CERS4: variants seen among roughly 807,000 people sequenced by gnomAD.
CERS4 encodes the protein ceramide synthase 4.
CERS4 carries 65 observed loss-of-function variants against 51.8 expected under a neutral mutation model. That is an observed-to-expected ratio of 1.26 (90% CI 1.03 to 1.54). The LOEUF is 1.54. CERS4 is among the 40% of genes most tolerant of loss of function. CERS4 has a pLI of 0.00. For missense variants in CERS4, 563 were observed against 500.4 expected (o/e 1.13, Z -1.19); for synonymous variants, 228 against 208.4 (o/e 1.09, Z -0.81).
At chr19:8,251,935 T>C (rs1434870954) in intron 3 of CERS4, among the ~76,000 whole-genome samples, 1 of 151,686 alleles carries the variant, frequency 6.6e-6, no homozygotes, top group African/African-American at 2.4e-5. Flanking sequence ...AAAATTTTTT[T>C]TTGAATCTAG....
intron 4 of CERS4, among the ~76,000 whole-genome samples, chr19:8,255,149 G>T (rs1014042891): frequency 6.6e-6 from 1 of 152,140 alleles, no homozygotes; most frequent in Non-Finnish European, 1.5e-5. Flanking sequence ...GTGGGGTGGG[G>T]AATGGTGAAG....
intron 2 of CERS4, among the ~76,000 whole-genome samples, chr19:8,247,703 A>G (rs1437392940): frequency 6.7e-6 from 1 of 148,866 alleles, no homozygotes; most frequent in Non-Finnish European, 1.5e-5. Flanking sequence ...TACAGGCATG[A>G]ACCACTTTGC....
chr19:8,243,328 G>A (rs1052469302), intron 2 of CERS4, among the ~76,000 whole-genome samples: 8 of 151,908 alleles, frequency 5.3e-5, no homozygotes, highest in South Asian at 2.1e-4. Context: ...GAGCCCCCAC[G>A]GGCACACGGG....
At chr19:8,230,274 C>G (rs1245303356) in intron 2 of CERS4, among the ~76,000 whole-genome samples, 3 of 151,976 alleles carry the variant, frequency 2.0e-5, no homozygotes, top group Non-Finnish European at 4.4e-5. Context: ...ACTCCAGCCT[C>G]TGCCTCCCAG....
In CERS4 at chr19:8,251,085, C is replaced by T; in HGVS notation, c.9C>T (p.Ser3=). ...GAACCTGTGTCCACAGAATGCTGTCCAGTTTCAACGAGTGGTTTTGGCAGG... is the reference window on the plus strand; with the variant it reads ...GAACCTGTGTCCACAGAATGCTGTCTAGTTTCAACGAGTGGTTTTGGCAGG... ML[S]SFNEWFWQDR... The change falls in exon 3 of 12, where the codon TCC becomes TCT. Residue 3 remains serine, a synonymous_variant. Coordinates refer to ENST00000251363, the MANE Select transcript of CERS4 (RefSeq NM_024552.3). 6.2e-7 allele frequency: 1 copy of T among 1,601,264 alleles called. No homozygotes were observed. The highest frequency in any genetic ancestry group is 8.5e-7 in the Non-Finnish European group (1 of 1,174,194).
intron 2 of CERS4, among the ~76,000 whole-genome samples, chr19:8,218,824 A>C (rs1359496406): frequency 6.6e-6 from 1 of 151,942 alleles, no homozygotes. Flanking sequence ...CTCTGTGCCA[A>C]CCCATCCAAC....
At chr19:8,261,658 C>T in intron 10 of CERS4, 30 bp from the exon 11 acceptor site, 2 of 1,612,926 alleles carry the variant, frequency 1.2e-6, no homozygotes, top group Non-Finnish European at 1.7e-6. Flanking sequence ...CTGGTCAAAC[C>T]CCAGCCTCCT....
chr19:8,227,464 A>T (rs779989150), intron 2 of CERS4, among the ~76,000 whole-genome samples: 1 of 151,750 alleles, frequency 6.6e-6, no homozygotes. Flanking sequence ...CCTTCCAAGT[A>T]TCTGGGACTT....
At chr19:8,258,059 G>C (rs758749592) in intron 10 of CERS4, 74 bp downstream of exon 10, 161 of 1,179,926 alleles carry the variant, frequency 1.4e-4, no homozygotes, top group Non-Finnish European at 1.9e-4. Context: ...CTCACCATTG[G>C]TACCCTGCCC....
chr19:8,239,680 G>C (rs1033474575), intron 2 of CERS4: 1 of 152,108 alleles, frequency 6.6e-6, no homozygotes, highest in Non-Finnish European at 1.5e-5. Flanking sequence ...TGAGCCTTGG[G>C]CTTCCCAGTT....
chr19:8,252,544 C>G (rs1282550734), intron 3 of CERS4, among the ~76,000 whole-genome samples: 1 of 151,798 alleles, frequency 6.6e-6, no homozygotes, highest in Non-Finnish European at 1.5e-5. Flanking sequence ...GTTCAAGCGA[C>G]TCTCCTATCT....
intron 2 of CERS4, among the ~76,000 whole-genome samples, chr19:8,218,752 A>G (rs1035041433): frequency 1.7e-4 from 26 of 152,156 alleles, no homozygotes; most frequent in African/African-American, 5.6e-4. Context: ...CTCCAGTTAC[A>G]CAAACACCTC....
Position 8,261,720 on chromosome 19 carries a change from G to C in CERS4, c.881G>C (p.Ser294Thr), listed in dbSNP as rs2145349636. 1 of 1,614,132 alleles carries C rather than the reference G, an allele frequency of 6.2e-7. No individual in the cohort carries two copies. Among genetic ancestry groups the C allele is most frequent in the South Asian group, 1.1e-5 (1 of 91,082 alleles). The change falls in exon 11 of 12, where the codon AGC becomes ACC. Residue 294 changes from serine (S) to threonine (T), a missense_variant. Transcript: ENST00000251363. ...ILYTTYYESI[S>T]NRGPFFGYYF... ...TACACCACATACTACGAGTCCATCA[G>C]CAACAGGGGCCCCTTCTTCGGCTAC... is the stretch of plus-strand genomic sequence containing the variant.
chr19:8,250,835 T>C (rs1969039769), intron 2 of CERS4: 3 of 1,293,736 alleles, frequency 2.3e-6, no homozygotes, highest in Non-Finnish European at 2.9e-6. Context: ...AACTCTGCCT[T>C]TTAACACTGA....
chr19:8,258,965 C>G (rs2145334964), intron 10 of CERS4, among the ~76,000 whole-genome samples: 1 of 151,500 alleles, frequency 6.6e-6, no homozygotes, highest in East Asian at 2.0e-4. Flanking sequence ...GAAACCCTGT[C>G]TCTACTGAAA....
chr19:8,233,799 T>C (rs1381692997), intron 2 of CERS4, among the ~76,000 whole-genome samples: 1 of 151,482 alleles, frequency 6.6e-6, no homozygotes. Flanking sequence ...GATCGCTTGA[T>C]TCCAAGAGTT....
chr19:8,260,968 AAAAAAAAAAC>A (rs1327262673), intron 10 of CERS4: 105 of 147,748 alleles, frequency 7.1e-4, no homozygotes, highest in African/African-American at 2.5e-3. Flanking sequence ...AAAAAAAAAA[AAAAAAAAAAC>A]AAGAACCACA....
intron 2 of CERS4, among the ~76,000 whole-genome samples, chr19:8,245,052 C>T (rs1465515045): frequency 1.3e-5 from 2 of 148,530 alleles, no homozygotes; most frequent in African/African-American, 5.0e-5. Flanking sequence ...GCTGAGCTTG[C>T]AGTGAGCTGA....
chr19:8,217,821 G>A (rs1599510161), intron 2 of CERS4, among the ~76,000 whole-genome samples: 1 of 152,136 alleles, frequency 6.6e-6, no homozygotes, highest in East Asian at 1.9e-4. Context: ...ACAGGCGTGA[G>A]CCACCGCACC....
Sources: gnomAD v4.1 joint callset for allele counts (sites outside exome capture counted in the v4.1 genomes callset) on GRCh38, gnomAD v4.1.1 for gene constraint, MANE v1.5 for transcripts, NCBI Gene and HGNC (gene_info 2026-07-23, HGNC 2026-07-21) for gene names.